The following METTL15 variants were observed in gnomAD, a reference collection of about 807,000 sequenced individuals.
The protein encoded by METTL15 is methyltransferase 15, mitochondrial 12S rRNA N4-cytidine, also known as 12S rRNA N(4)-cytidine methyltransferase METTL15.
A neutral mutation model predicts 38.3 loss-of-function variants in METTL15; 34 were observed. The ratio of observed to expected loss-of-function variants is 0.89; its 90% CI spans 0.68 to 1.18. The LOEUF (loss-of-function observed/expected upper bound fraction) is 1.18, where lower values mean the gene tolerates loss of function less well. METTL15 is among the 50% of genes most tolerant of loss of function. The pLI is 0.00. For synonymous variants in METTL15, 162 were observed against 170.9 expected (o/e 0.95, Z 0.41); for missense variants, 438 against 498.4 (o/e 0.88, Z 1.15).
At chr11:28,145,373 A>AT (rs1165231361) in intron 3 of METTL15, 4 of 151,946 alleles carry the variant, frequency 2.6e-5, no homozygotes, top group Admixed American at 6.6e-5. Flanking sequence ...TTTAAATTTA[A>AT]TTTTTTTAAA....
chr11:28,191,491 G>C (rs1047867931), intron 3 of METTL15, among the ~76,000 whole-genome samples: 1 of 151,182 alleles, frequency 6.6e-6, no homozygotes, highest in South Asian at 2.1e-4. Context: ...TCTTCCAAAA[G>C]GTTTTTTTTC....
chr11:28,157,300 G>A (rs1260149208), intron 3 of METTL15, among the ~76,000 whole-genome samples: 2 of 152,138 alleles, frequency 1.3e-5, no homozygotes, highest in Non-Finnish European at 2.9e-5. Flanking sequence ...GTTTTGAGTG[G>A]GGACCAGAAC....
intron 4 of METTL15, among the ~76,000 whole-genome samples, chr11:28,235,264 G>C (rs1460828437): frequency 1.3e-5 from 2 of 151,954 alleles, no homozygotes; most frequent in African/African-American, 4.8e-5. Context: ...TGTTCTTGTG[G>C]CTTAGGATTG....
At chr11:28,489,521 C>T (rs1034756538) in intron 6 of METTL15, among the ~76,000 whole-genome samples, 5 of 151,904 alleles carry the variant, frequency 3.3e-5, no homozygotes, top group Admixed American at 6.6e-5. Flanking sequence ...AGTATAAATC[C>T]ATAGGAGGGG....
chr11:28,481,859 C>T (rs993617133), intron 6 of METTL15, among the ~76,000 whole-genome samples: 4 of 152,154 alleles, frequency 2.6e-5, no homozygotes, highest in African/African-American at 9.7e-5. Flanking sequence ...TGGCGAGGGT[C>T]GCTGCAAGTT....
chr11:28,203,675 G>T (rs965755598), intron 3 of METTL15, among the ~76,000 whole-genome samples: 5 of 151,978 alleles, frequency 3.3e-5, no homozygotes, highest in Admixed American at 3.3e-4. Context: ...GGAATAGTCT[G>T]TTATGTCCCT....
At chr11:28,522,166 C>T (rs143788986) in intron 6 of METTL15, among the ~76,000 whole-genome samples, 192 of 152,318 alleles carry the variant, frequency 1.3e-3, no homozygotes, top group African/African-American at 4.5e-3. Context: ...GCCCTCCCTT[C>T]ACTCTAAATA....
At chr11:28,155,466 CT>C (rs1850231447) in intron 3 of METTL15, among the ~76,000 whole-genome samples, 1 of 152,158 alleles carries the variant, frequency 6.6e-6, no homozygotes, top group Non-Finnish European at 1.5e-5. Context: ...TCCTTTCTCT[CT>C]TTACTTTTAA....
chr11:28,357,529 C>A (rs140006034), intron 4 of METTL15, among the ~76,000 whole-genome samples: 161 of 152,304 alleles, frequency 1.1e-3, no homozygotes, highest in African/African-American at 3.8e-3. Flanking sequence ...CTTGAACAAG[C>A]CATTTAAACT....
intron 3 of METTL15, among the ~76,000 whole-genome samples, chr11:28,173,231 T>TA (rs1279647325): frequency 2.0e-5 from 3 of 152,160 alleles, no homozygotes; most frequent in Non-Finnish European, 4.4e-5. Flanking sequence ...TTGCAATTCT[T>TA]ACCTCCAGTG....
chr11:28,456,361 C>T (rs1042874824), intron 6 of METTL15, among the ~76,000 whole-genome samples: 5 of 152,026 alleles, frequency 3.3e-5, no homozygotes, highest in South Asian at 2.1e-4. Context: ...GCTTCTCTTT[C>T]GGTCTCTTGA....
At chr11:28,187,378 A>G (rs996660434) in intron 3 of METTL15, among the ~76,000 whole-genome samples, 1 of 151,116 alleles carries the variant, frequency 6.6e-6, no homozygotes, top group African/African-American at 2.4e-5. Context: ...TTGGTATACC[A>G]TATAACTTTT....
At chr11:28,320,048 C>T (rs1260386891) in intron 6 of METTL15, among the ~76,000 whole-genome samples, 1 of 152,146 alleles carries the variant, frequency 6.6e-6, no homozygotes, top group Non-Finnish European at 1.5e-5. Flanking sequence ...GTTTGAATTT[C>T]ATGAGAGCAA....
intron 3 of METTL15, among the ~76,000 whole-genome samples, chr11:28,173,968 G>A (rs1430595495): frequency 2.6e-4 from 39 of 152,134 alleles, no homozygotes; most frequent in Admixed American, 2.6e-3. Flanking sequence ...CTATCAATAT[G>A]ATTTTTCATT....
At chr11:28,189,829 C>T (rs1024597334) in intron 3 of METTL15, among the ~76,000 whole-genome samples, 20 of 151,160 alleles carry the variant, frequency 1.3e-4, no homozygotes, top group Non-Finnish European at 2.5e-4. Context: ...ATCGAAATTT[C>T]AACAAAATGA....
intron 6 of METTL15, among the ~76,000 whole-genome samples, chr11:28,319,206 A>T (rs867309769): frequency 6.6e-6 from 1 of 152,150 alleles, no homozygotes; most frequent in South Asian, 2.1e-4. Context: ...TTCCACACTC[A>T]TTTTCTCCCA....
intron 3 of METTL15, among the ~76,000 whole-genome samples, chr11:28,121,737 A>G (rs1298315219): frequency 4.6e-5 from 7 of 152,048 alleles, no homozygotes; most frequent in African/African-American, 1.7e-4. Context: ...TCTATATTGA[A>G]GATTTTTTCT....
chr11:28,498,033 AAC>A (rs1851550199), intron 6 of METTL15, among the ~76,000 whole-genome samples: 1 of 133,984 alleles, frequency 7.5e-6, no homozygotes, highest in South Asian at 2.7e-4. Context: ...CAGCCTGAAC[AAC>A]AGAGAGAGAC....
chr11:28,215,490 G>T (rs763790654), intron 4 of METTL15, among the ~76,000 whole-genome samples: 4 of 151,908 alleles, frequency 2.6e-5, no homozygotes, highest in African/African-American at 9.7e-5. Flanking sequence ...AGGTAACTTT[G>T]CTTCTAAGTC....
Sources: allele counts gnomAD v4.1 joint callset (sites outside exome capture counted in the v4.1 genomes callset), GRCh38; gene constraint gnomAD v4.1.1; transcripts MANE v1.5; gene names NCBI Gene and HGNC (gene_info 2026-07-23, HGNC 2026-07-21).